Variants in USP12 observed in about 807,000 individuals in gnomAD.
USP12 encodes ubiquitin carboxyl-terminal hydrolase 12.
USP12 carries 19 observed loss-of-function variants against 45.5 expected under a neutral mutation model. The ratio of observed to expected loss-of-function variants is 0.42; its 90% confidence interval spans 0.29 to 0.61. The LOEUF (loss-of-function observed/expected upper bound fraction) is 0.61. Ranked by LOEUF, USP12 falls within the 20% of genes least tolerant of loss-of-function variation. The probability of loss-of-function intolerance (pLI) is 0.22; values close to 1 mark genes in which losing one functional copy is unlikely to be tolerated. For synonymous variants in USP12, 149 were observed against 148.8 expected (o/e 1.00, Z -0.01); for missense variants, 242 against 447.7 (o/e 0.54, Z 4.15).
chr13:27,141,012 CTTTTTTTTTT>C (rs11455614), intron 1 of USP12, among the ~76,000 whole-genome samples: 17 of 122,566 alleles, frequency 1.4e-4, no homozygotes, highest in East Asian at 2.2e-4. Flanking sequence ...TGTGAAGTCA[CTTTTTTTTTT>C]TTTTTTTTTT....
intron 1 of USP12, among the ~76,000 whole-genome samples, chr13:27,123,614 C>G (rs965351333): frequency 3.3e-5 from 5 of 152,178 alleles, no homozygotes; most frequent in African/African-American, 4.8e-5. Context: ...TCTTCCCATG[C>G]TCTTCTTGTG....
At chr13:27,126,081 C>T (rs1010505291) in intron 1 of USP12, among the ~76,000 whole-genome samples, 26 of 152,256 alleles carry the variant, frequency 1.7e-4, no homozygotes, top group Non-Finnish European at 1.2e-4. Flanking sequence ...CTTCTGCAGA[C>T]GTAAACGTCC....
At chr13:27,071,285 C>T (rs1231448846) in intron 7 of USP12, 136 bp from the exon 8 acceptor site, 7 of 653,554 alleles carry the variant, frequency 1.1e-5, no homozygotes, top group Non-Finnish European at 1.7e-5. Context: ...ATACCCCTTA[C>T]CTATTCTTGC....
At chr13:27,088,130 C>T (rs920108784) in intron 6 of USP12, among the ~76,000 whole-genome samples, 1 of 152,160 alleles carries the variant, frequency 6.6e-6, no homozygotes, top group Non-Finnish European at 1.5e-5. Context: ...CTTAGAAAGG[C>T]CTGCTTGCGG....
intron 1 of USP12, among the ~76,000 whole-genome samples, chr13:27,144,441 G>C (rs1002270056): frequency 6.8e-6 from 1 of 147,966 alleles, no homozygotes; most frequent in African/African-American, 2.5e-5. Flanking sequence ...ACTGCAGTGA[G>C]CTATTAATAT....
Position 27,069,255 on chromosome 13 carries a change from G to C in USP12, c.*28C>G. 1 of 1,556,352 alleles carries C rather than the reference G, an allele frequency of 6.4e-7. No individual in the cohort carries two copies. On this transcript the variant is annotated 3_prime_UTR_variant, in exon 9 of 9. Coordinates refer to ENST00000282344, the MANE Select transcript of USP12 (RefSeq NM_182488.4). The stretch of plus-strand genomic sequence containing the variant: ...AAATAACCAGAGAAGAAATGAGGCA[G>C]AAAGTGTCTCTTCATCACGGTTCCC...
In USP12 at chr13:27,068,998, C is replaced by A. The variant is rs17519439; in HGVS notation, c.*285G>T. 29,216 of 418,338 alleles carry A rather than the reference C, an allele frequency of 0.07. 1,184 individuals are homozygous for A. The highest frequency in any genetic ancestry group is 0.082 in the Middle Eastern group (123 of 1,500). 25.9% of individuals were successfully genotyped at this position (418,338 alleles called of 1,614,324 possible). On this transcript the variant is annotated 3_prime_UTR_variant, in exon 9 of 9. Transcript: ENST00000282344. Reference sequence around the variant, plus strand: ...TGGTGCAATTAATAAAGAGAAAATGCGTGCCAATGACTGGAAGGCTGTTTT... The same window carrying A: ...TGGTGCAATTAATAAAGAGAAAATGAGTGCCAATGACTGGAAGGCTGTTTT...
rs1873382178 is a variant in USP12, at chr13:27,074,362, T to C, written c.932+829A>G. On this transcript the variant is annotated intron_variant, in intron 7 of 8. Transcript: ENST00000282344. ...TTGCACTGAGCCGAGATGGCGCCAC[T>C]GCACTCCAGCCTGGGCCACAGAGCA... Among the ~76,000 whole-genome samples, 3 of 151,364 alleles carry C rather than the reference T, an allele frequency of 2.0e-5. 1 individual carries two copies. Among genetic ancestry groups the C allele is most frequent in the Admixed American group, 2.0e-4 (3 of 15,184 alleles).
Position 27,105,901 on chromosome 13 carries a change from T to A in USP12, c.173A>T (p.Tyr58Phe), listed in dbSNP as rs1420724207. The part of the protein sequence containing the change: ...CYCNSVLQAL[Y>F]FCRPFREKVL... ...TTTTTCCCGAAATGGACGACAAAAA[T>A]AAAGTGCTTGAAGAACTGAATTGCA... Residue 58 changes from tyrosine (Y) to phenylalanine (F), a missense_variant, in exon 3 of 9, where the codon TAT becomes TTT. Tyr to Phe is a conservative substitution (Grantham distance 22). Coordinates refer to ENST00000282344, the MANE Select transcript of USP12 (RefSeq NM_182488.4). 6.2e-7 allele frequency: 1 copy of A among 1,613,456 alleles called. No individual in the cohort carries two copies. The highest frequency in any genetic ancestry group is 2.2e-5 in the East Asian group (1 of 44,860).
At chr13:27,167,656 C>G (rs1004892695) in intron 1 of USP12, among the ~76,000 whole-genome samples, 20 of 151,682 alleles carry the variant, frequency 1.3e-4, no homozygotes, top group African/African-American at 4.6e-4. Flanking sequence ...CATAGAAGTA[C>G]TATTTTACTA....
At chr13:27,089,103 A>C (rs868481823) in intron 6 of USP12, among the ~76,000 whole-genome samples, 1 of 152,244 alleles carries the variant, frequency 6.6e-6, no homozygotes, top group Non-Finnish European at 1.5e-5. Context: ...AATCTTTTCC[A>C]AATTGAAAAA....
chr13:27,124,938 A>C (rs147216458), intron 1 of USP12, among the ~76,000 whole-genome samples: 20 of 152,334 alleles, frequency 1.3e-4, no homozygotes, highest in African/African-American at 4.8e-4. Context: ...TCATAAAAAG[A>C]GTATCAAAGT....
chr13:27,079,893 T>G (rs558052016), intron 6 of USP12, among the ~76,000 whole-genome samples: 12 of 152,276 alleles, frequency 7.9e-5, no homozygotes, highest in African/African-American at 2.9e-4. Context: ...CCTTTTAAAA[T>G]GTACCATCAA....
At position 27,098,050 on chromosome 13, in the gene USP12, T is replaced by C. The variant is rs374768281; in HGVS notation, c.344-2220A>G. On this transcript the variant is annotated intron_variant, in intron 3 of 8. Coordinates refer to ENST00000282344, the MANE Select transcript of USP12 (RefSeq NM_182488.4). ...GCCCAGGATGGAGTGCAACTTCATA[T>C]AGTATTTTTAAAAACTTTGTGCAGG... is the stretch of plus-strand genomic sequence containing the variant. 3.6e-3 allele frequency among the ~76,000 whole-genome samples: 542 copies of C among 150,920 alleles called. 42 individuals carry two copies. In the South Asian group the frequency reaches 0.11, roughly 30 times the overall value.
chr13:27,085,895 G>A (rs965292124), intron 6 of USP12, among the ~76,000 whole-genome samples: 6 of 152,108 alleles, frequency 3.9e-5, no homozygotes, highest in East Asian at 3.9e-4. Flanking sequence ...AGCAGGCGTG[G>A]TATCTAGCTC....
At chr13:27,160,488 C>A in intron 1 of USP12, among the ~76,000 whole-genome samples, 1 of 149,400 alleles carries the variant, frequency 6.7e-6, no homozygotes. Flanking sequence ...AAAAAGTGAA[C>A]TGTCTTTAAA....
At chr13:27,104,786 C>T (rs567446500) in intron 3 of USP12, among the ~76,000 whole-genome samples, 6 of 152,268 alleles carry the variant, frequency 3.9e-5, no homozygotes, top group African/African-American at 7.2e-5. Context: ...GGCAGGATTA[C>T]GCAATAGGGT....
At chr13:27,136,258 C>G (rs903952094) in intron 1 of USP12, among the ~76,000 whole-genome samples, 2 of 152,176 alleles carry the variant, frequency 1.3e-5, no homozygotes, top group African/African-American at 2.4e-5. Context: ...TTACCCAGCA[C>G]TTTGGGAGGC....
intron 2 of USP12, among the ~76,000 whole-genome samples, chr13:27,108,972 A>G (rs555558948): frequency 8.5e-5 from 13 of 152,226 alleles, no homozygotes; most frequent in South Asian, 4.1e-4. Context: ...GTGTGTGTGT[A>G]TATACACATA....
Sources: gnomAD v4.1 joint callset for allele counts (sites outside exome capture counted in the v4.1 genomes callset) on GRCh38, gnomAD v4.1.1 for gene constraint, MANE v1.5 for transcripts, NCBI Gene and HGNC (gene_info 2026-07-23, HGNC 2026-07-21) for gene names.